Variants in DOCK5 observed in about 807,000 individuals in gnomAD.
The protein encoded by DOCK5 is dedicator of cytokinesis protein 5.
In DOCK5, 142 loss-of-function variants were observed where a neutral mutation model predicts 251.8. That is an observed-to-expected ratio of 0.56 (90% CI 0.49 to 0.65). DOCK5 has a LOEUF of 0.65. DOCK5 is among the 30% of genes least tolerant of loss of function. The pLI is 0.00. For missense variants in DOCK5, 2,111 were observed against 2,312.3 expected (o/e 0.91, Z 1.79); for synonymous variants, 842 against 835.5 (o/e 1.01, Z -0.13).
chr8:25,382,213 G>T (rs1321486790), intron 39 of DOCK5, among the ~76,000 whole-genome samples: 1 of 152,052 alleles, frequency 6.6e-6, no homozygotes, highest in Admixed American at 6.6e-5. Flanking sequence ...CTAGCCTCAA[G>T]CAATCCTCCC....
intron 10 of DOCK5, 35 bp downstream of exon 10, chr8:25,302,489 T>G (rs1459490637): frequency 6.7e-7 from 1 of 1,492,730 alleles, no homozygotes; most frequent in Non-Finnish European, 9.0e-7. Context: ...TGTGAAATAG[T>G]GCAGTGCTGT....
At chr8:25,246,755 TGGC>T (rs1803128061) in intron 2 of DOCK5, among the ~76,000 whole-genome samples, 1 of 110,594 alleles carries the variant, frequency 9.0e-6, no homozygotes. Flanking sequence ...TGTGTGTGTG[TGGC>T]GGGGGCGGGG....
chr8:25,410,602 C>G (rs1801604731), intron 51 of DOCK5, among the ~76,000 whole-genome samples: 1 of 151,954 alleles, frequency 6.6e-6, no homozygotes, highest in South Asian at 2.1e-4. Context: ...GCTGGGACTA[C>G]AGGCATGTGC....
intron 2 of DOCK5, among the ~76,000 whole-genome samples, chr8:25,268,279 A>G (rs928036113): frequency 2.6e-5 from 4 of 152,114 alleles, no homozygotes; most frequent in African/African-American, 7.2e-5. Context: ...ATTGCACGTA[A>G]TTTTGTTTTA....
rs1210031703 is a variant in DOCK5 at position 25,342,508 on chromosome 8, G to C, written c.2617+1G>C. Reference sequence around the variant, plus strand: ...GAGAGCACTCTTTTTCGACAGTCAGGTAAGTCTCCTTCAAAACTTGCTGCA... The same window carrying C: ...GAGAGCACTCTTTTTCGACAGTCAGCTAAGTCTCCTTCAAAACTTGCTGCA... On this transcript the variant is annotated splice_donor_variant, in intron 25 of 51. Coordinates refer to ENST00000276440, the MANE Select transcript of DOCK5 (RefSeq NM_024940.8). LOFTEE classifies it high-confidence loss of function. The C allele has an allele frequency of 6.4e-7, 1 of 1,573,654 alleles. No homozygotes were observed. The highest frequency in any genetic ancestry group is 8.6e-7 in the Non-Finnish European group (1 of 1,156,582).
chr8:25,244,700 G>T (rs149709358), intron 2 of DOCK5, among the ~76,000 whole-genome samples: 44 of 152,342 alleles, frequency 2.9e-4, no homozygotes, highest in East Asian at 2.5e-3. Flanking sequence ...AGAAAGAAGA[G>T]ATGGGAAGGC....
At chr8:25,410,338 AACC>A in intron 51 of DOCK5, 136 bp downstream of exon 51, 1 of 704,400 alleles carries the variant, frequency 1.4e-6, no homozygotes, top group Non-Finnish European at 2.4e-6. Flanking sequence ...TCATTCCTGA[AACC>A]ACAGGAGATA....
intron 14 of DOCK5, among the ~76,000 whole-genome samples, 155 bp from the exon 15 acceptor site, chr8:25,319,423 C>G (rs977150361): frequency 2.0e-5 from 3 of 152,286 alleles, no homozygotes; most frequent in African/African-American, 4.8e-5. Flanking sequence ...TCAGTCTTCT[C>G]TGTTCTTCAT....
Position 25,278,674 on chromosome 8 carries a change from C to G in DOCK5, c.321+9C>G. 6.2e-7 allele frequency: 1 copy of G among 1,613,292 alleles called. No homozygotes were observed. Among genetic ancestry groups the G allele is most frequent in the Non-Finnish European group, 8.5e-7 (1 of 1,179,586 alleles). ...GGCGAAAGCTCTACGTGGTGAGTTT[C>G]CCCTTGTGGCTTGGAGCCCCAGGGT... On this transcript the variant is annotated intron_variant, in intron 5 of 51. Coordinates refer to ENST00000276440, the MANE Select transcript of DOCK5 (RefSeq NM_024940.8).
chr8:25,243,481 C>T (rs975509003), intron 1 of DOCK5, among the ~76,000 whole-genome samples, 193 bp from the exon 2 acceptor site: 2 of 152,034 alleles, frequency 1.3e-5, no homozygotes, highest in Non-Finnish European at 2.9e-5. Context: ...CATGCGCCTG[C>T]CACTACGCCC....
chr8:25,271,358 A>G (rs2117119206), intron 3 of DOCK5: 1 of 152,436 alleles, frequency 6.6e-6, no homozygotes, highest in East Asian at 1.9e-4. Flanking sequence ...TTAAGCCGAA[A>G]TATCCTTCTT....
intron 2 of DOCK5, among the ~76,000 whole-genome samples, chr8:25,262,067 A>G (rs955636281): frequency 2.6e-5 from 4 of 152,324 alleles, no homozygotes; most frequent in African/African-American, 4.8e-5. Flanking sequence ...GCTTTTGACT[A>G]TTAAAAATAA....
chr8:25,374,819 C>G (rs539954321), intron 37 of DOCK5, 165 bp downstream of exon 37: 1 of 1,498,564 alleles, frequency 6.7e-7, no homozygotes, highest in African/African-American at 1.4e-5. Flanking sequence ...ATTTGTAGAT[C>G]AAGTATGGGA....
At chr8:25,277,026 G>C (rs367821736) in intron 4 of DOCK5, 99 of 152,500 alleles carry the variant, frequency 6.5e-4, no homozygotes, top group African/African-American at 2.3e-3. Context: ...TTGTGTGGGA[G>C]CCGATGACTC....
In DOCK5 at chr8:25,401,009, T is replaced by A; in HGVS notation, c.4869T>A (p.Ser1623=). The A allele has an allele frequency of 6.2e-7, 1 of 1,614,026 alleles. No individual in the cohort carries two copies. Among genetic ancestry groups the A allele is most frequent in the Non-Finnish European group, 8.5e-7 (1 of 1,179,894 alleles). ...EQLKPLHERL[S]SCFRELKEKV... ...TGAAGCCGCTGCATGAGCGGTTGTC[T>A]TCTTGCTTCCGGGAACTCAAGGAGA... Residue 1623 remains serine (S), a synonymous_variant, in exon 47 of 52, where the codon TCT becomes TCA. Coordinates refer to ENST00000276440, the MANE Select transcript of DOCK5 (RefSeq NM_024940.8).
intron 25 of DOCK5, among the ~76,000 whole-genome samples, chr8:25,342,765 C>G (rs1331441516): frequency 8.4e-6 from 1 of 119,696 alleles, no homozygotes; most frequent in Non-Finnish European, 1.6e-5. Context: ...GTGGCGCAAT[C>G]TCGGCTCACT....
At chr8:25,192,584 C>T (rs1215427935) in intron 1 of DOCK5, among the ~76,000 whole-genome samples, 1 of 152,178 alleles carries the variant, frequency 6.6e-6, no homozygotes, top group African/African-American at 2.4e-5. Flanking sequence ...CGGCTCACTG[C>T]TGCCTGGACT....
intron 47 of DOCK5, 88 bp from the exon 48 acceptor site, chr8:25,403,470 G>A (rs758102170): frequency 6.9e-7 from 1 of 1,452,072 alleles, no homozygotes; most frequent in African/African-American, 1.4e-5. Context: ...ATGGGTACTG[G>A]TTAGCCACAA....
intron 45 of DOCK5, among the ~76,000 whole-genome samples, chr8:25,397,986 G>A (rs533910454): frequency 5.3e-5 from 8 of 152,060 alleles, no homozygotes; most frequent in African/African-American, 1.5e-4. Flanking sequence ...GGGGTAGCCC[G>A]TCATTACATA....
Sources: gnomAD v4.1 joint callset for allele counts (sites outside exome capture counted in the v4.1 genomes callset) on GRCh38, gnomAD v4.1.1 for gene constraint, MANE v1.5 for transcripts, NCBI Gene and HGNC (gene_info 2026-07-23, HGNC 2026-07-21) for gene names.